The following WDR26 variants were observed in gnomAD, a reference collection of about 807,000 sequenced individuals.
The protein encoded by WDR26 is WD repeat-containing protein 26.
Under a neutral mutation model 84.1 loss-of-function variants are expected in WDR26, and 5 were observed. That is an observed-to-expected ratio of 0.06 (90% CI 0.03 to 0.13). WDR26 has a LOEUF of 0.13. Among genes scored for constraint, WDR26 ranks in the 10% least tolerant of loss-of-function variants. WDR26 has a pLI of 1.00. For missense variants in WDR26, 642 were observed against 974.9 expected, an observed-to-expected ratio of 0.66 and a Z score of 4.55; for synonymous variants, 415 against 389.6, an observed-to-expected ratio of 1.07 and a Z score of -0.77.
chr1:224,407,172 A>ATG lies in WDR26; in HGVS notation c.1459-2603_1459-2602insCA, dbSNP rs1491214480. 1.8e-5 allele frequency among the ~76,000 whole-genome samples: 2 copies of ATG among 111,986 alleles called. 1 individual carries two copies. Among genetic ancestry groups the ATG allele is most frequent in the African/African-American group, 7.4e-5 (2 of 27,112 alleles). 73.5% of individuals were successfully genotyped at this position (111,986 alleles called of 152,430 possible). Reference sequence around the variant, plus strand: ...AAAAAATATATATATATATATATATAACTCAAAAACTTTTATGTACATGAA... The same window carrying ATG: ...AAAAAATATATATATATATATATATATGACTCAAAAACTTTTATGTACATGAA... On this transcript the variant is annotated intron_variant, in intron 7 of 13. Coordinates refer to ENST00000414423, the MANE Select transcript of WDR26 (RefSeq NM_001379403.1).
chr1:224,433,003 C>CT (rs149944217), intron 1 of WDR26, among the ~76,000 whole-genome samples: 345 of 152,328 alleles, frequency 2.3e-3, no homozygotes, highest in African/African-American at 7.7e-3. Flanking sequence ...AGGCGATCAT[C>CT]TTCTTGGTAT....
In WDR26 at chr1:224,434,179, G is replaced by A. The variant is rs1674524148; in HGVS notation, c.227C>T (p.Pro76Leu). The A allele has an allele frequency of 2.1e-6, 3 of 1,421,046 alleles. No homozygotes were observed. Among genetic ancestry groups the A allele is most frequent in the East Asian group, 5.1e-5 (2 of 39,040 alleles). The allele number at this position is 1,421,046 out of a possible 1,614,324, so 88.0% of individuals were successfully genotyped here. The change falls in exon 1 of 14, where the codon CCG (proline) becomes CTG (leucine). Residue 76 changes from proline to leucine, a missense_variant. By Grantham distance (98) the Pro-to-Leu change is moderately conservative (BLOSUM62 -3). This residue lies in a region of WDR26 where 291 missense variants were observed against 302.1 expected (regional missense o/e 0.96). Coordinates refer to ENST00000414423, the MANE Select transcript of WDR26 (RefSeq NM_001379403.1). ...AGCGGCGGCGGGAGGGGCAGCAGCC[G>A]GGGGAAGTCCCACCACTACCACCAC...
chr1:224,433,220 C>T (rs1674453145), intron 1 of WDR26, among the ~76,000 whole-genome samples: 1 of 152,134 alleles, frequency 6.6e-6, no homozygotes, highest in Non-Finnish European at 1.5e-5. Context: ...TTGTCTGCCA[C>T]GGTTGGGGGT....
rs1324962179 is a variant in WDR26, at chr1:224,431,589, A to T, written c.823-8T>A. 1.2e-6 allele frequency: 2 copies of T among 1,612,660 alleles called. No homozygotes were observed. The highest frequency in any genetic ancestry group is 8.5e-7 in the Non-Finnish European group (1 of 1,179,080). On this transcript the variant is annotated splice_region_variant and splice_polypyrimidine_tract_variant and intron_variant, in intron 2 of 13. Coordinates refer to ENST00000414423, the MANE Select transcript of WDR26 (RefSeq NM_001379403.1). ...ATTCAGGTCATTTTCTGCCTGTAAA[A>T]ATTGGTATAAAAGAAAAACAGAAAT...
intron 13 of WDR26, among the ~76,000 whole-genome samples, chr1:224,392,008 A>G (rs1487338177): frequency 6.6e-6 from 1 of 152,188 alleles, no homozygotes; most frequent in African/African-American, 2.4e-5. Flanking sequence ...GAGGATCTAC[A>G]TTAGTCAGAT....
chr1:224,401,120 GA>G, intron 8 of WDR26, 51 bp from the exon 9 acceptor site: 1 of 1,530,948 alleles, frequency 6.5e-7, no homozygotes, highest in South Asian at 1.2e-5. Flanking sequence ...CCCTCTAAAG[GA>G]ATTATGTGAG....
chr1:224,407,151 A>AAAAAAGATATATATAT, intron 7 of WDR26, among the ~76,000 whole-genome samples: 1 of 11,868 alleles, frequency 8.4e-5, no homozygotes, highest in Non-Finnish European at 1.4e-4. Flanking sequence ...AAAAAAAAAA[A>AAAAAAGATATATATAT]ATATATATAT....
At chr1:224,403,962 CCAAG>C (rs1673488270) in intron 8 of WDR26, among the ~76,000 whole-genome samples, 1 of 152,032 alleles carries the variant, frequency 6.6e-6, no homozygotes, top group South Asian at 2.1e-4. Flanking sequence ...AACGAACAAA[CCAAG>C]CAATAAAGCC....
intron 5 of WDR26, among the ~76,000 whole-genome samples, chr1:224,419,257 T>C (rs114508491): frequency 0.011 from 1,652 of 152,216 alleles, 30 homozygotes; most frequent in African/African-American, 0.037. Context: ...ACAGTACTTT[T>C]CCCCCAAACA....
intron 7 of WDR26, among the ~76,000 whole-genome samples, chr1:224,407,225 A>G (rs1673606651): frequency 1.4e-5 from 2 of 141,588 alleles, no homozygotes; most frequent in African/African-American, 5.2e-5. Context: ...TATAAAAGAT[A>G]AAGTTGAAAA....
chr1:224,420,504 GA>G (rs778569817), intron 4 of WDR26, among the ~76,000 whole-genome samples: 53 of 152,300 alleles, frequency 3.5e-4, no homozygotes, highest in Non-Finnish European at 6.9e-4. Flanking sequence ...GAGGATTCTT[GA>G]AGATGAAGCA....
intron 8 of WDR26, among the ~76,000 whole-genome samples, chr1:224,401,690 G>GAAAAAAAAAAAAAAAAAAAAAA (rs67543360): frequency 1.2e-5 from 1 of 84,046 alleles, no homozygotes; most frequent in Non-Finnish European, 2.4e-5. Context: ...AAAAAAAAAA[G>GAAAAAAAAAAAAAAAAAAAAAA]AAAAAAAAAA....
chr1:224,432,306 A>G (rs1438716394), intron 1 of WDR26, among the ~76,000 whole-genome samples: 1 of 152,240 alleles, frequency 6.6e-6, no homozygotes, highest in African/African-American at 2.4e-5. Flanking sequence ...TAGCAAATTT[A>G]CTATGGTGTA....
intron 6 of WDR26, among the ~76,000 whole-genome samples, chr1:224,415,582 T>G (rs1673877644): frequency 6.7e-6 from 1 of 148,730 alleles, no homozygotes; most frequent in Admixed American, 6.9e-5. Context: ...TGCCTCAGCC[T>G]CCTGAGTAGC....
intron 3 of WDR26, 29 bp downstream of exon 3, chr1:224,431,448 T>C (rs754041750): frequency 3.1e-5 from 50 of 1,597,570 alleles, no homozygotes; most frequent in Non-Finnish European, 3.9e-5. Flanking sequence ...TAAGCATAAA[T>C]GTGAAACTAA....
At chr1:224,421,489 C>A (rs1674061197) in intron 4 of WDR26, among the ~76,000 whole-genome samples, 1 of 152,076 alleles carries the variant, frequency 6.6e-6, no homozygotes, top group South Asian at 2.1e-4. Context: ...ACTTGGGAGG[C>A]TGAGGCAGGA....
chr1:224,409,611 C>T (rs1673676961), intron 7 of WDR26, among the ~76,000 whole-genome samples: 1 of 152,126 alleles, frequency 6.6e-6, no homozygotes, highest in Non-Finnish European at 1.5e-5. Flanking sequence ...CCAGTAATCC[C>T]AGCACTTTGG....
intron 6 of WDR26, 94 bp downstream of exon 6, chr1:224,418,166 C>T (rs1673960652): frequency 9.9e-7 from 1 of 1,005,620 alleles, no homozygotes; most frequent in Non-Finnish European, 1.4e-6. Context: ...CAGACATGAA[C>T]TGTTATATAG....
intron 6 of WDR26, among the ~76,000 whole-genome samples, chr1:224,417,212 A>G (rs1334044027): frequency 2.6e-5 from 4 of 152,200 alleles, no homozygotes; most frequent in Non-Finnish European, 5.9e-5. Flanking sequence ...TCGTTATTCC[A>G]AAGTCCTCAT....
Sources: gnomAD v4.1 joint callset for allele counts (sites outside exome capture counted in the v4.1 genomes callset) on GRCh38, gnomAD v4.1.1 for gene constraint, gnomAD v4.1.1 regional missense constraint, MANE v1.5 for transcripts, NCBI Gene and HGNC (gene_info 2026-07-23, HGNC 2026-07-21) for gene names.